CAMK1D: variants seen among roughly 807,000 people sequenced by gnomAD.
CAMK1D encodes calcium/calmodulin dependent protein kinase ID.
In CAMK1D, 9 loss-of-function variants were observed where a neutral mutation model predicts 47.7. The ratio of observed to expected loss-of-function variants is 0.19; its 90% CI spans 0.11 to 0.33. The LOEUF (loss-of-function observed/expected upper bound fraction) is 0.33. CAMK1D is among the 10% of genes least tolerant of loss of function. The pLI is 1.00. For synonymous variants in CAMK1D, 184 were observed against 184.9 expected, an observed-to-expected ratio of 0.99 and a Z score of 0.04; for missense variants, 291 against 488.7, an observed-to-expected ratio of 0.60 and a Z score of 3.81.
intron 5 of CAMK1D, among the ~76,000 whole-genome samples, chr10:12,771,990 C>T (rs983853704): frequency 5.9e-5 from 9 of 151,650 alleles, no homozygotes; most frequent in Admixed American, 3.3e-4. Flanking sequence ...GCTGAGATTG[C>T]GCCACTGCAC....
At chr10:12,582,912 C>CGGT (rs1837704589) in intron 2 of CAMK1D, among the ~76,000 whole-genome samples, 11 of 152,246 alleles carry the variant, frequency 7.2e-5, no homozygotes, top group Admixed American at 5.2e-4. Context: ...GTCCAGGACG[C>CGGT]AGAAGTCCTA....
chr10:12,655,145 G>A (rs1840083783), intron 2 of CAMK1D, among the ~76,000 whole-genome samples: 1 of 152,174 alleles, frequency 6.6e-6, no homozygotes, highest in African/African-American at 2.4e-5. Flanking sequence ...GGCTGTACAG[G>A]AAGCATAGTG....
intron 1 of CAMK1D, among the ~76,000 whole-genome samples, chr10:12,494,980 A>G (rs1834493811): frequency 6.6e-6 from 1 of 152,212 alleles, no homozygotes; most frequent in Admixed American, 6.5e-5. Context: ...TCTAAACGAG[A>G]TCACTGCGGT....
At position 12,467,481 on chromosome 10, in the gene CAMK1D, C is replaced by T. The variant is rs577684154; in HGVS notation, c.93-85744C>T. Among the ~76,000 whole-genome samples, 10 of 152,222 alleles carry T rather than the reference C, an allele frequency of 6.6e-5. No homozygotes were observed. The East Asian group carries it at 9.6e-4, about 15-fold the overall frequency. On this transcript the variant is annotated intron_variant, in intron 1 of 10. Transcript: ENST00000619168. ...CTCATGTTTTCCTGACAGCTGCGAC[C>T]AGGGTAACTTATGAATTGTGACTTG...
intron 3 of CAMK1D, among the ~76,000 whole-genome samples, chr10:12,706,741 C>CAAA (rs764894832): frequency 8.8e-6 from 1 of 113,766 alleles, no homozygotes; most frequent in Non-Finnish European, 1.9e-5. Context: ...ACCCTGTCTC[C>CAAA]AAAAAAAAAA....
chr10:12,745,862 C>G (rs1236473947), intron 3 of CAMK1D, among the ~76,000 whole-genome samples: 2 of 151,956 alleles, frequency 1.3e-5, no homozygotes, highest in African/African-American at 4.8e-5. Flanking sequence ...CTTCGGCCCC[C>G]CAAAGTGCTG....
intron 1 of CAMK1D, among the ~76,000 whole-genome samples, chr10:12,362,488 G>A (rs12358303): frequency 1.8e-5 from 2 of 108,942 alleles, no homozygotes; most frequent in Non-Finnish European, 4.1e-5. Context: ...TGTACTTTTT[G>A]TTTTTTGTTT....
At chr10:12,454,022 C>T (rs1003064096) in intron 1 of CAMK1D, among the ~76,000 whole-genome samples, 3 of 152,198 alleles carry the variant, frequency 2.0e-5, no homozygotes, top group African/African-American at 7.2e-5. Context: ...TGAAACCCTT[C>T]CCCTGGTTGG....
chr10:12,619,543 C>T (rs1838926309), intron 2 of CAMK1D, among the ~76,000 whole-genome samples: 1 of 152,116 alleles, frequency 6.6e-6, no homozygotes. Flanking sequence ...CTGCTTCAGC[C>T]TCCCAAAGTG....
intron 3 of CAMK1D, among the ~76,000 whole-genome samples, chr10:12,760,326 T>G (rs1228593301): frequency 2.6e-5 from 4 of 152,236 alleles, no homozygotes; most frequent in African/African-American, 4.8e-5. Flanking sequence ...AATATAGTCT[T>G]GATTTCTTGC....
At chr10:12,511,675 A>T (rs1835044970) in intron 1 of CAMK1D, among the ~76,000 whole-genome samples, 1 of 152,244 alleles carries the variant, frequency 6.6e-6, no homozygotes, top group African/African-American at 2.4e-5. Context: ...GTTGGATCAG[A>T]ATCTTTGGGT....
intron 1 of CAMK1D, among the ~76,000 whole-genome samples, chr10:12,424,743 C>T (rs1186428999): frequency 5.3e-5 from 8 of 152,064 alleles, no homozygotes; most frequent in Admixed American, 2.6e-4. Flanking sequence ...CAGGAGATCA[C>T]GGCTGCAGTG....
chr10:12,686,471 A>G (rs1230179823), intron 3 of CAMK1D, among the ~76,000 whole-genome samples: 1 of 151,858 alleles, frequency 6.6e-6, no homozygotes, highest in East Asian at 1.9e-4. Context: ...ACAGGCACGC[A>G]CCACCACGTC....
intron 6 of CAMK1D, among the ~76,000 whole-genome samples, chr10:12,797,255 G>A (rs1838237175): frequency 6.7e-6 from 1 of 150,290 alleles, no homozygotes; most frequent in East Asian, 2.0e-4. Context: ...CTGGAGTGCA[G>A]TGGTGCAATC....
At chr10:12,698,820 G>A (rs1272308017) in intron 3 of CAMK1D, among the ~76,000 whole-genome samples, 2 of 151,530 alleles carry the variant, frequency 1.3e-5, no homozygotes, top group South Asian at 2.1e-4. Context: ...CTACAGGTAC[G>A]TGCCACCACG....
At chr10:12,479,205 C>CT (rs914751173) in intron 1 of CAMK1D, among the ~76,000 whole-genome samples, 3 of 150,556 alleles carry the variant, frequency 2.0e-5, no homozygotes, top group African/African-American at 7.4e-5. Flanking sequence ...TTCTTTTTTT[C>CT]TTTTTTTTGA....
At chr10:12,476,653 C>T (rs944171426) in intron 1 of CAMK1D, among the ~76,000 whole-genome samples, 1 of 151,986 alleles carries the variant, frequency 6.6e-6, no homozygotes, top group Non-Finnish European at 1.5e-5. Context: ...TCATATGTTC[C>T]TGGTTTGTTT....
intron 3 of CAMK1D, among the ~76,000 whole-genome samples, chr10:12,728,358 G>A (rs912117949): frequency 4.6e-5 from 7 of 152,358 alleles, no homozygotes; most frequent in African/African-American, 1.4e-4. Flanking sequence ...AGATTCTTGG[G>A]CAGCGCTAGT....
chr10:12,592,397 T>A (rs907925047), intron 2 of CAMK1D, among the ~76,000 whole-genome samples: 1 of 152,238 alleles, frequency 6.6e-6, no homozygotes, highest in African/African-American at 2.4e-5. Flanking sequence ...GTATTTTTCT[T>A]TTAAACATCA....
Sources: gnomAD v4.1 joint callset for allele counts (sites outside exome capture counted in the v4.1 genomes callset) on GRCh38, gnomAD v4.1.1 for gene constraint, MANE v1.5 for transcripts, NCBI Gene and HGNC (gene_info 2026-07-23, HGNC 2026-07-21) for gene names.